The following DSCAML1 variants were observed in gnomAD, a reference collection of about 807,000 sequenced individuals.
DSCAML1 encodes the protein cell adhesion molecule DSCAML1.
A neutral mutation model predicts 200.5 loss-of-function variants in DSCAML1; 38 were observed. The observed-to-expected ratio is 0.19, with a 90% confidence interval of 0.15 to 0.25. DSCAML1 has a LOEUF of 0.25. Among genes scored for constraint, DSCAML1 ranks in the 10% least tolerant of loss-of-function variants. The pLI is 1.00. For missense variants in DSCAML1, 2,223 were observed against 2,858.8 expected, an observed-to-expected ratio of 0.78 and a Z score of 5.07; for synonymous variants, 1,215 against 1,165.0, an observed-to-expected ratio of 1.04 and a Z score of -0.87.
At chr11:117,637,327 A>G (rs913578914) in intron 3 of DSCAML1, among the ~76,000 whole-genome samples, 2 of 151,746 alleles carry the variant, frequency 1.3e-5, no homozygotes, top group African/African-American at 4.8e-5. Flanking sequence ...GTTATTGTGC[A>G]TAGTAGGTGC....
intron 20 of DSCAML1, among the ~76,000 whole-genome samples, chr11:117,444,742 T>C (rs1346532483): frequency 6.6e-6 from 1 of 152,198 alleles, no homozygotes; most frequent in Non-Finnish European, 1.5e-5. Context: ...ACCAGTTGCT[T>C]TGATGAAAAG....
chr11:117,701,572 G>C (rs111921895), intron 3 of DSCAML1, among the ~76,000 whole-genome samples: 2 of 152,184 alleles, frequency 1.3e-5, no homozygotes, highest in Non-Finnish European at 2.9e-5. Flanking sequence ...GAAGAGCCAC[G>C]AGGGCTGTGC....
intron 1 of DSCAML1, among the ~76,000 whole-genome samples, chr11:117,796,172 C>G (rs2055569505): frequency 6.6e-6 from 1 of 152,242 alleles, no homozygotes; most frequent in Non-Finnish European, 1.5e-5. Context: ...CCGGCTGCCT[C>G]GCGGATCAGG....
intron 3 of DSCAML1, among the ~76,000 whole-genome samples, chr11:117,722,670 A>C (rs1196433527): frequency 6.6e-6 from 1 of 152,168 alleles, no homozygotes; most frequent in East Asian, 1.9e-4. Context: ...ATGGCAACTA[A>C]AAAGAAAAAC....
chr11:117,457,092 T>C (rs1225038072), intron 19 of DSCAML1, among the ~76,000 whole-genome samples: 1 of 152,230 alleles, frequency 6.6e-6, no homozygotes, highest in East Asian at 1.9e-4. Flanking sequence ...CCCCATGTTA[T>C]GAGGAAACTG....
chr11:117,757,149 A>T (rs941283945), intron 3 of DSCAML1, among the ~76,000 whole-genome samples: 8 of 152,222 alleles, frequency 5.3e-5, no homozygotes, highest in African/African-American at 1.9e-4. Flanking sequence ...GACTCCCTGA[A>T]AAAGCAAAAA....
chr11:117,461,702 TC>T, intron 17 of DSCAML1, 106 bp from the exon 18 acceptor site: 4 of 1,127,740 alleles, frequency 3.5e-6, no homozygotes, highest in Non-Finnish European at 5.1e-6. Flanking sequence ...CAGAGGAGCG[TC>T]CAGTTAGACA....
intron 3 of DSCAML1, among the ~76,000 whole-genome samples, chr11:117,753,677 A>G (rs1035405628): frequency 3.3e-5 from 5 of 152,214 alleles, no homozygotes; most frequent in African/African-American, 7.2e-5. Context: ...AGTCATGGTA[A>G]TGAGAATCAC....
intron 3 of DSCAML1, among the ~76,000 whole-genome samples, chr11:117,574,169 G>A (rs4938411): frequency 0.014 from 2,199 of 152,276 alleles, 28 homozygotes; most frequent in East Asian, 0.062. Context: ...CTCCCCTGGG[G>A]GATCCAATTC....
chr11:117,608,354 T>C (rs1356377707), intron 3 of DSCAML1, among the ~76,000 whole-genome samples: 1 of 152,174 alleles, frequency 6.6e-6, no homozygotes, highest in Non-Finnish European at 1.5e-5. Context: ...AATGGAAACA[T>C]ATTGAAAATT....
At chr11:117,779,420 T>G (rs1358940787) in intron 2 of DSCAML1, among the ~76,000 whole-genome samples, 1 of 152,146 alleles carries the variant, frequency 6.6e-6, no homozygotes, top group Non-Finnish European at 1.5e-5. Context: ...AAACCCTACC[T>G]CCTTGCCTCC....
chr11:117,810,150 C>G (rs2055748727), intron 1 of DSCAML1, among the ~76,000 whole-genome samples: 1 of 152,164 alleles, frequency 6.6e-6, no homozygotes, highest in South Asian at 2.1e-4. Flanking sequence ...TTCAATCTCT[C>G]CCTTCTCTTA....
chr11:117,531,470 C>T (rs1274417411), intron 4 of DSCAML1, among the ~76,000 whole-genome samples: 2 of 152,148 alleles, frequency 1.3e-5, no homozygotes, highest in East Asian at 3.8e-4. Flanking sequence ...GCTATAATCA[C>T]CCCAAAAGAA....
At position 117,546,599 on chromosome 11, in the gene DSCAML1, C is replaced by T. The variant is rs1307513705; in HGVS notation, c.512-14077G>A. Reference sequence around the variant, plus strand: ...CCAGAAAGGACCCTACTCAGCTTCCCGGGAGCCCTGACAGAGTGACCACTT... The same window carrying T: ...CCAGAAAGGACCCTACTCAGCTTCCTGGGAGCCCTGACAGAGTGACCACTT... On this transcript the variant is annotated intron_variant, in intron 3 of 32. Transcript: ENST00000651296. 3.9e-5 allele frequency among the ~76,000 whole-genome samples: 6 copies of T among 152,180 alleles called. No individual in the cohort carries two copies. The South Asian group carries it at 8.3e-4, about 21-fold the overall frequency.
upstream of DSCAML1, among the ~76,000 whole-genome samples, chr11:117,800,604 T>C (rs2055648356): frequency 6.6e-6 from 1 of 152,226 alleles, no homozygotes. Flanking sequence ...TCCTTTCTAG[T>C]AGGGACACAC....
chr11:117,594,019 A>G (rs777176971), intron 3 of DSCAML1, among the ~76,000 whole-genome samples: 9 of 152,242 alleles, frequency 5.9e-5, no homozygotes, highest in Middle Eastern at 3.4e-3. Flanking sequence ...GGCTGAACTC[A>G]CTGCATTTCT....
chr11:117,449,576 C>A lies in DSCAML1; in HGVS notation c.3708+973G>T, dbSNP rs949801635. On this transcript the variant is annotated intron_variant, in intron 20 of 32. Transcript: ENST00000651296. ...CTTATCTGCAGATCTCAGGCTGATG[C>A]CCAGTTGTTGATGGAGGGAGGAGCA... Among the ~76,000 whole-genome samples, 19 of 152,110 alleles carry A rather than the reference C, an allele frequency of 1.2e-4. 1 individual carries two copies. Among genetic ancestry groups the A allele is most frequent in the African/African-American group, 4.6e-4 (19 of 41,408 alleles).
intron 1 of DSCAML1, among the ~76,000 whole-genome samples, chr11:117,795,104 A>C (rs1198287162): frequency 6.7e-6 from 1 of 149,524 alleles, no homozygotes; most frequent in Non-Finnish European, 1.5e-5. Context: ...GGCTTCATTT[A>C]TTAATGCCAG....
At chr11:117,544,648 T>G (rs2050337294) in intron 3 of DSCAML1, among the ~76,000 whole-genome samples, 1 of 152,150 alleles carries the variant, frequency 6.6e-6, no homozygotes, top group Admixed American at 6.5e-5. Context: ...TTCCTTGGAC[T>G]CTGAACTCCT....
Sources: allele counts gnomAD v4.1 joint callset (sites outside exome capture counted in the v4.1 genomes callset), GRCh38; gene constraint gnomAD v4.1.1; transcripts MANE v1.5; gene names NCBI Gene and HGNC (gene_info 2026-07-23, HGNC 2026-07-21).